Variants in RTF2 observed in about 807,000 individuals in gnomAD.
RTF2 encodes UPF0549 protein C20orf43.
Under a neutral mutation model 38.0 loss-of-function variants are expected in RTF2, and 18 were observed. That is an observed-to-expected ratio of 0.47 (90% CI 0.33 to 0.70). The LOEUF (loss-of-function observed/expected upper bound fraction) is 0.70. Among genes scored for constraint, RTF2 ranks in the 30% least tolerant of loss-of-function variants. The pLI, the probability that RTF2 is intolerant of heterozygous loss-of-function variation, is 0.02. For synonymous variants in RTF2, 126 were observed against 137.1 expected, an observed-to-expected ratio of 0.92 and a Z score of 0.57; for missense variants, 311 against 379.6, an observed-to-expected ratio of 0.82 and a Z score of 1.50.
intron 5 of RTF2, chr20:56,497,234 CACAA>C: frequency 6.4e-7 from 1 of 1,551,854 alleles, no homozygotes; most frequent in Non-Finnish European, 8.7e-7. Flanking sequence ...TGAGAAGCTG[CACAA>C]ACATGGCCAG....
Position 56,486,850 on chromosome 20 carries a change from G to A in RTF2, c.477+2661G>A, listed in dbSNP as rs114795969. On this transcript the variant is annotated intron_variant, in intron 5 of 8. Transcript: ENST00000357348. Reference sequence around the variant, plus strand: ...GAAAGGCAGCAGCAGTGCTCATGGGGCAGAAGCAGCCGGGCAGCCATACTG... The same window carrying A: ...GAAAGGCAGCAGCAGTGCTCATGGGACAGAAGCAGCCGGGCAGCCATACTG... 8.5e-3 allele frequency among the ~76,000 whole-genome samples: 1,289 copies of A among 152,216 alleles called. 19 individuals carry two copies. The highest frequency in any genetic ancestry group is 0.03 in the African/African-American group (1,244 of 41,554).
At chr20:56,476,674 T>G (rs1392226284) in intron 3 of RTF2, among the ~76,000 whole-genome samples, 4 of 152,204 alleles carry the variant, frequency 2.6e-5, no homozygotes, top group Admixed American at 6.5e-5. Context: ...TAATTTTGTA[T>G]TTTTAGTAGA....
At chr20:56,516,914 A>G (rs774236085) in intron 6 of RTF2, 21 bp from the exon 7 acceptor site, 3 of 1,612,796 alleles carry the variant, frequency 1.9e-6, no homozygotes, top group African/African-American at 1.3e-5. Flanking sequence ...ACAGCCTCCA[A>G]CATTCTCTAT....
At chr20:56,483,148 A>G (rs148435699) in intron 4 of RTF2, among the ~76,000 whole-genome samples, 4 of 152,196 alleles carry the variant, frequency 2.6e-5, no homozygotes, top group African/African-American at 7.2e-5. Flanking sequence ...TTACCTTGCT[A>G]TACTACACAA....
intron 6 of RTF2, among the ~76,000 whole-genome samples, chr20:56,515,477 C>T (rs552451314): frequency 3.3e-4 from 50 of 152,116 alleles, no homozygotes; most frequent in Admixed American, 3.9e-4. Flanking sequence ...GAGGCTGAGG[C>T]GGAAGAATTG....
At chr20:56,475,866 A>G (rs1183853942) in intron 3 of RTF2, among the ~76,000 whole-genome samples, 1 of 152,242 alleles carries the variant, frequency 6.6e-6, no homozygotes, top group Non-Finnish European at 1.5e-5. Context: ...AGAACAGTAA[A>G]GAAAAAAAGC....
intron 5 of RTF2, chr20:56,496,647 C>A: frequency 6.7e-7 from 1 of 1,492,666 alleles, no homozygotes; most frequent in South Asian, 1.3e-5. Context: ...ACCTTTTAGT[C>A]GGTTCAGGGT....
chr20:56,476,438 G>A (rs1189037993), intron 3 of RTF2, among the ~76,000 whole-genome samples: 2 of 151,578 alleles, frequency 1.3e-5, no homozygotes, highest in Non-Finnish European at 2.9e-5. Context: ...AAAAGATGTG[G>A]ATAGTAGAAA....
intron 5 of RTF2, among the ~76,000 whole-genome samples, chr20:56,510,839 A>T (rs1451651552): frequency 1.3e-5 from 2 of 152,100 alleles, no homozygotes; most frequent in Admixed American, 6.6e-5. Context: ...ACTCAGGAGG[A>T]TGAGGTAGGA....
intron 3 of RTF2, among the ~76,000 whole-genome samples, chr20:56,475,607 A>G (rs554322017): frequency 1.3e-3 from 205 of 152,332 alleles, no homozygotes; most frequent in African/African-American, 4.5e-3. Flanking sequence ...AACCTGTGGT[A>G]GTATGAATCA....
intron 5 of RTF2, among the ~76,000 whole-genome samples, chr20:56,496,337 C>T (rs935385383): frequency 6.6e-6 from 1 of 152,156 alleles, no homozygotes; most frequent in Admixed American, 6.5e-5. Context: ...CACCTGAGAT[C>T]GGGAGTTCCA....
At chr20:56,493,791 A>G (rs1441420736) in intron 5 of RTF2, among the ~76,000 whole-genome samples, 10 of 152,222 alleles carry the variant, frequency 6.6e-5, no homozygotes, top group African/African-American at 2.4e-4. Flanking sequence ...AAGTTGAACT[A>G]GAAGGGAATA....
At chr20:56,485,678 T>C (rs1018522793) in intron 5 of RTF2, among the ~76,000 whole-genome samples, 6 of 152,194 alleles carry the variant, frequency 3.9e-5, no homozygotes, top group Non-Finnish European at 8.8e-5. Flanking sequence ...TTATTAAGCT[T>C]TCTTTTAAGA....
chr20:56,518,347 G>T lies in RTF2; in HGVS notation c.*82G>T. 1 of 1,343,430 alleles carries T rather than the reference G, an allele frequency of 7.4e-7. No individual in the cohort carries two copies. The highest frequency in any genetic ancestry group is 2.3e-5 in the East Asian group (1 of 43,494). The allele number at this position is 1,343,430 out of a possible 1,614,324, so 83.2% of individuals were successfully genotyped here. A position where few individuals can be genotyped will look rare whatever the true frequency, so the allele number is the denominator to read the frequency against. On this transcript the variant is annotated 3_prime_UTR_variant, in exon 9 of 9. Transcript: ENST00000357348. ...GTCGCTTTGTGCCTCTGAGTGCGCT[G>T]CTGTGTGTTCTCTCTATAGTTCTGT...
chr20:56,509,442 A>G (rs541195576), intron 5 of RTF2, among the ~76,000 whole-genome samples: 223 of 152,140 alleles, frequency 1.5e-3, no homozygotes, highest in Non-Finnish European at 2.6e-3. Context: ...TTGAAATGCC[A>G]TCTCTACTAA....
At chr20:56,501,361 A>AT (rs140970734) in intron 5 of RTF2, among the ~76,000 whole-genome samples, 273 of 152,256 alleles carry the variant, frequency 1.8e-3, no homozygotes, top group African/African-American at 6.3e-3. Context: ...TAAACATGAG[A>AT]TTTTCTGTCA....
intron 2 of RTF2, 116 bp downstream of exon 2, chr20:56,473,511 A>C (rs1260359880): frequency 4.3e-6 from 3 of 692,026 alleles, no homozygotes; most frequent in Non-Finnish European, 7.6e-6. Flanking sequence ...TTTGTGAGGC[A>C]TAGGCTGTCG....
intron 5 of RTF2, among the ~76,000 whole-genome samples, chr20:56,485,735 G>A (rs1214680434): frequency 6.6e-6 from 1 of 152,214 alleles, no homozygotes; most frequent in Non-Finnish European, 1.5e-5. Context: ...TATTCAGCCA[G>A]AAGTATTTAT....
rs534272204 is a variant in RTF2 at position 56,475,331 on chromosome 20, A to G, written c.258+560A>G. ...AGTCAAACCCTTCATCTCACTGTAA[A>G]TGACTCACTTGAGGCCCCATGGCTA... On this transcript the variant is annotated intron_variant, in intron 3 of 8. Coordinates refer to ENST00000357348, the MANE Select transcript of RTF2 (RefSeq NM_016407.5). Among the ~76,000 whole-genome samples, 266 of 152,296 alleles carry G rather than the reference A, an allele frequency of 1.7e-3. 6 individuals are homozygous for G. In the Middle Eastern group the frequency reaches 0.021, roughly 12 times the overall value.
Sources: gnomAD v4.1 joint callset for allele counts (sites outside exome capture counted in the v4.1 genomes callset) on GRCh38, gnomAD v4.1.1 for gene constraint, MANE v1.5 for transcripts, NCBI Gene and HGNC (gene_info 2026-07-23, HGNC 2026-07-21) for gene names.